The following SEC14L6 variants were observed in gnomAD, a reference collection of about 807,000 sequenced individuals.
SEC14L6 encodes SEC14-like protein 6.
In SEC14L6, 40 loss-of-function variants were observed where a neutral mutation model predicts 54.1. The observed-to-expected ratio is 0.74, with a 90% CI of 0.57 to 0.96. The LOEUF is 0.96. SEC14L6 is among the 40% of genes least tolerant of loss of function. The probability of loss-of-function intolerance (pLI) is 0.00; values close to 1 mark genes in which losing one functional copy is unlikely to be tolerated. For synonymous variants in SEC14L6, 171 were observed against 198.4 expected, an observed-to-expected ratio of 0.86 and a Z score of 1.16; for missense variants, 471 against 498.3, an observed-to-expected ratio of 0.95 and a Z score of 0.52.
Position 30,531,896 on chromosome 22 carries a change from A to C in SEC14L6, c.519+7T>G. The C allele has an allele frequency of 6.5e-7, 1 of 1,548,860 alleles. No individual in the cohort carries two copies. Among genetic ancestry groups the C allele is most frequent in the Non-Finnish European group, 8.7e-7 (1 of 1,145,494 alleles). On this transcript the variant is annotated splice_region_variant and intron_variant, in intron 6 of 11. Transcript: ENST00000402034. ...ACCCACCCATGCCCCTGGCGGGGTC[A>C]CCTCACCTCCTGGAGAAGCTCTATT...
At position 30,523,787 on chromosome 22, in the gene SEC14L6, A is replaced by T. The variant is rs1362014822; in HGVS notation, c.*1210T>A. On this transcript the variant is annotated 3_prime_UTR_variant, in exon 12 of 12. Coordinates refer to ENST00000402034, the MANE Select transcript of SEC14L6 (RefSeq NM_001193336.4). ...GAGTTTAAAATTCTTTCTAGATGGG[A>T]AACTGTGAGGTTGGATTTCCATTCA... 1 of 152,178 alleles carries T rather than the reference A, an allele frequency of 6.6e-6. No homozygotes were observed. Among genetic ancestry groups the T allele is most frequent in the South Asian group, 2.1e-4 (1 of 4,828 alleles). The allele number at this position is 152,178 out of a possible 1,614,324, so 9.4% of individuals were successfully genotyped here.
chr22:30,538,827 C>G lies in SEC14L6; in HGVS notation c.130G>C (p.Ala44Pro). ...DDYFLLRWLQ[A>P]RSFDLQKSED... ...CCCCAGCCCCACGCTCTATCCTTAC[C>G]TTGGAGCCAGCGCAGGAGGAAGTAG... Residue 44 changes from alanine (A) to proline (P), a missense_variant and splice_region_variant, in exon 2 of 12, where the codon GCT (alanine) becomes CCT (proline). Physicochemically the swap from Ala to Pro is conservative, Grantham distance 27. Coordinates refer to ENST00000402034, the MANE Select transcript of SEC14L6 (RefSeq NM_001193336.4). The G allele has an allele frequency of 6.4e-7, 1 of 1,555,044 alleles. No homozygotes were observed. The highest frequency in any genetic ancestry group is 8.7e-7 in the Non-Finnish European group (1 of 1,148,006).
At chr22:30,540,546 T>C (rs9608977) in intron 1 of SEC14L6, among the ~76,000 whole-genome samples, 5,602 of 151,880 alleles carry the variant, frequency 0.037, 155 homozygotes, top group Non-Finnish European at 0.064. Context: ...TGAAACCTCA[T>C]TACCACAAAA....
At chr22:30,528,178 A>C (rs1445002193) in intron 8 of SEC14L6, among the ~76,000 whole-genome samples, 1 of 137,598 alleles carries the variant, frequency 7.3e-6, no homozygotes, top group Non-Finnish European at 1.5e-5. Context: ...GCTGGAGTGC[A>C]CTGGCGCGAT....
chr22:30,531,971 C>T lies in SEC14L6; in HGVS notation c.451G>A (p.Ala151Thr), dbSNP rs1416650076. 6 of 1,550,884 alleles carry T rather than the reference C, an allele frequency of 3.9e-6. No homozygotes were observed. Among genetic ancestry groups the T allele is most frequent in the East Asian group, 2.4e-5 (1 of 40,922 alleles). ...CCCAGCCCTTCGAGACCAAAAATAG[C>T]TATGATTTTCTCCACCCTCTTCCCC... Reference protein sequence around the residue: ...KLGKRVEKIIAIFGLEGLGLR... With the variant: ...KLGKRVEKIITIFGLEGLGLR... The change falls in exon 6 of 12, where the codon GCT becomes ACT. Residue 151 changes from alanine (A) to threonine (T), a missense_variant. Transcript: ENST00000402034.
intron 7 of SEC14L6, 38 bp downstream of exon 7, chr22:30,529,251 C>T (rs1936887404): frequency 3.2e-6 from 5 of 1,544,674 alleles, no homozygotes; most frequent in Non-Finnish European, 4.4e-6. Flanking sequence ...CATCCCCTGT[C>T]CCCCCAACTC....
intron 3 of SEC14L6, 43 bp from the exon 4 acceptor site, chr22:30,532,899 C>T (rs1433591149): frequency 6.2e-7 from 1 of 1,601,394 alleles, no homozygotes; most frequent in Admixed American, 1.7e-5. Flanking sequence ...CTGCCTGTCC[C>T]AAAGACCTCT....
intron 6 of SEC14L6, among the ~76,000 whole-genome samples, chr22:30,531,588 GT>G (rs1165718040): frequency 1.3e-5 from 2 of 152,086 alleles, no homozygotes; most frequent in Non-Finnish European, 2.9e-5. Flanking sequence ...GCCAGGCATG[GT>G]GGCGCATGTC....
At chr22:30,542,306 AC>A (rs1354250330) in intron 1 of SEC14L6, among the ~76,000 whole-genome samples, 3 of 147,466 alleles carry the variant, frequency 2.0e-5, no homozygotes, top group Admixed American at 6.7e-5. Flanking sequence ...ACACCCCCCC[AC>A]CCCCGCGCCT....
intron 2 of SEC14L6, among the ~76,000 whole-genome samples, chr22:30,538,443 C>G (rs777721445): frequency 6.6e-6 from 1 of 152,194 alleles, no homozygotes; most frequent in Non-Finnish European, 1.5e-5. Context: ...ACTGGGATCA[C>G]TTATGGCGGG....
chr22:30,542,927 A>G (rs1173966973), intron 1 of SEC14L6: 2 of 1,601,054 alleles, frequency 1.2e-6, no homozygotes, highest in East Asian at 2.2e-5. Context: ...GCCGGCACCT[A>G]CTACTGTGTG....
chr22:30,537,800 A>C (rs926650007), intron 2 of SEC14L6, among the ~76,000 whole-genome samples: 1 of 152,142 alleles, frequency 6.6e-6, no homozygotes, highest in Non-Finnish European at 1.5e-5. Flanking sequence ...GTAGCTTTGA[A>C]ATGATAGATC....
In SEC14L6 at chr22:30,532,011, G is replaced by A; in HGVS notation, c.424-13C>T. The stretch of plus-strand genomic sequence containing the variant: ...CCCTCTTCCCCAGCTGCAAGGGAAT[G>A]ACAGGGGGTGAGACCCTGTGAGGGC... On this transcript the variant is annotated splice_polypyrimidine_tract_variant and intron_variant, in intron 5 of 11. Transcript: ENST00000402034. 1 of 1,548,814 alleles carries A rather than the reference G, an allele frequency of 6.5e-7. No individual in the cohort carries two copies.
chr22:30,542,747 C>T, intron 1 of SEC14L6: 1 of 1,582,214 alleles, frequency 6.3e-7, no homozygotes, highest in Non-Finnish European at 8.7e-7. Context: ...ACTGTGACCT[C>T]CCTGAACCCT....
At chr22:30,526,608 T>C (rs1045841619) in intron 8 of SEC14L6, among the ~76,000 whole-genome samples, 2 of 152,138 alleles carry the variant, frequency 1.3e-5, no homozygotes, top group African/African-American at 4.8e-5. Context: ...TGCACTCCTG[T>C]GGTCCCAGCT....
intron 5 of SEC14L6, 164 bp downstream of exon 5, chr22:30,532,361 T>G (rs1568967624): frequency 1.1e-6 from 1 of 928,148 alleles, no homozygotes; most frequent in African/African-American, 1.8e-5. Flanking sequence ...CCACATACTG[T>G]GTGGCCTTGG....
chr22:30,540,181 T>G (rs998036224), intron 1 of SEC14L6, among the ~76,000 whole-genome samples: 1 of 152,164 alleles, frequency 6.6e-6, no homozygotes, highest in African/African-American at 2.4e-5. Context: ...AATCCTGACA[T>G]GACACTGCCA....
intron 6 of SEC14L6, among the ~76,000 whole-genome samples, chr22:30,531,032 A>T (rs1936951586): frequency 6.6e-6 from 1 of 152,180 alleles, no homozygotes; most frequent in Admixed American, 6.5e-5. Context: ...GCTGAACATG[A>T]GATGGTGACC....
chr22:30,531,410 A>AAAAAG (rs372813171), intron 6 of SEC14L6, among the ~76,000 whole-genome samples: 8,819 of 149,754 alleles, frequency 0.059, 520 homozygotes, highest in African/African-American at 0.14. Flanking sequence ...CTGTCTCAAA[A>AAAAAG]AAAAGAAAAG....
Sources: gnomAD v4.1 joint callset for allele counts (sites outside exome capture counted in the v4.1 genomes callset) on GRCh38, gnomAD v4.1.1 for gene constraint, MANE v1.5 for transcripts, NCBI Gene and HGNC (gene_info 2026-07-23, HGNC 2026-07-21) for gene names.